CFAP65: variants seen among roughly 807,000 people sequenced by gnomAD.
CFAP65 encodes cilia- and flagella-associated protein 65.
Under a neutral mutation model 208.0 loss-of-function variants are expected in CFAP65, and 155 were observed. The ratio of observed to expected loss-of-function variants is 0.75; its 90% confidence interval spans 0.65 to 0.85. The LOEUF (loss-of-function observed/expected upper bound fraction) is 0.85, where lower values mean the gene tolerates loss of function less well. Among genes scored for constraint, CFAP65 ranks in the 40% least tolerant of loss-of-function variants. CFAP65 has a pLI of 0.00. For synonymous variants in CFAP65, 970 were observed against 986.3 expected, an observed-to-expected ratio of 0.98 and a Z score of 0.31; for missense variants, 2,294 against 2,451.3, an observed-to-expected ratio of 0.94 and a Z score of 1.36.
chr2:219,009,366 C>A lies in CFAP65; in HGVS notation c.4547G>T (p.Ser1516Ile). The A allele has an allele frequency of 6.2e-7, 1 of 1,612,278 alleles. No individual in the cohort carries two copies. The highest frequency in any genetic ancestry group is 8.5e-7 in the Non-Finnish European group (1 of 1,179,516). The change falls in exon 28 of 35, where the codon AGT becomes ATT. Residue 1516 changes from serine to isoleucine, a missense_variant. Physicochemically the swap from Ser to Ile is moderately radical, Grantham distance 142 (BLOSUM62 -2). This residue lies in a region of CFAP65 where 1,427 missense variants were observed against 1,438.7 expected (regional missense o/e 0.99). Coordinates refer to ENST00000341552, the MANE Select transcript of CFAP65 (RefSeq NM_194302.4). ...LRASVHASFY[S>I]ADLVCKLYSQ... ...TCCTACCTTGCATACCAGGTCTGCA[C>A]TGTAGAAGCTGGCATGCACAGAGGC... is the stretch of plus-strand genomic sequence containing the variant.
intron 14 of CFAP65, 129 bp from the exon 15 acceptor site, chr2:219,024,389 T>C: frequency 9.1e-7 from 1 of 1,099,294 alleles, no homozygotes; most frequent in South Asian, 1.9e-5. Context: ...TGCAGCCCAG[T>C]CAACGCCCTG....
At chr2:219,026,348 T>G (rs1027390407) in intron 13 of CFAP65, among the ~76,000 whole-genome samples, 189 bp from the exon 14 acceptor site, 1 of 152,150 alleles carries the variant, frequency 6.6e-6, no homozygotes, top group Non-Finnish European at 1.5e-5. Flanking sequence ...AGCTAGGCCC[T>G]GCATCCATAT....
At chr2:219,014,261 C>T (rs946785030) in intron 21 of CFAP65, 5 of 414,856 alleles carry the variant, frequency 1.2e-5, no homozygotes, top group South Asian at 1.4e-4. Flanking sequence ...CTCTGGGCCA[C>T]GGCGACTCAA....
intron 32 of CFAP65, 106 bp downstream of exon 32, chr2:219,005,328 G>T: frequency 6.8e-7 from 1 of 1,475,142 alleles, no homozygotes; most frequent in Non-Finnish European, 9.4e-7. Flanking sequence ...GCCCCACCAA[G>T]TTCTATTTCT....
At chr2:219,020,363 T>TTTTA (rs1323020263) in intron 19 of CFAP65, among the ~76,000 whole-genome samples, 11 of 152,078 alleles carry the variant, frequency 7.2e-5, no homozygotes, top group Admixed American at 1.3e-4. Flanking sequence ...TGATCCCCAT[T>TTTTA]TTTATTTATT....
chr2:219,005,707 G>C (rs1945919687), intron 31 of CFAP65, 145 bp from the exon 32 acceptor site: 1 of 949,604 alleles, frequency 1.1e-6, no homozygotes, highest in Non-Finnish European at 1.6e-6. Context: ...AGTGCTACTG[G>C]GTTCAGAGAA....
rs150943971 is a variant in CFAP65 at position 219,035,510 on chromosome 2, C to G, written c.512G>C (p.Arg171Pro). The stretch of plus-strand genomic sequence containing the variant: ...CTTCATCTTCTGGAGTTTCAAGGAT[C>G]GATTTTTCAGAACCAGATTCCTTGT... ...ETTRNLVLKNRSLKLQKMKYR... is the reference protein window; with the variant it reads ...ETTRNLVLKNPSLKLQKMKYR... The change falls in exon 5 of 35, where the codon CGA becomes CCA. Residue 171 changes from arginine (R) to proline (P), a missense_variant. By Grantham distance (103) the Arg-to-Pro change is moderately radical. Around this residue, in one of 2 missense-constraint regions of CFAP65, gnomAD observed 867 missense variants for 1,012.6 expected, o/e 0.86. Transcript: ENST00000341552. 1 of 1,613,938 alleles carries G rather than the reference C, an allele frequency of 6.2e-7. No homozygotes were observed. Among genetic ancestry groups the G allele is most frequent in the East Asian group, 2.2e-5 (1 of 44,896 alleles).
rs1948301523 is a variant in CFAP65 at position 219,035,464 on chromosome 2, TC to T, written c.542+15del. The T allele has an allele frequency of 6.2e-7, 1 of 1,614,114 alleles. No homozygotes were observed. Among genetic ancestry groups the T allele is most frequent in the East Asian group, 2.2e-5 (1 of 44,874 alleles). On this transcript the variant is annotated intron_variant, in intron 5 of 34. Transcript: ENST00000341552. ...CAAGGCTGTGGCACTGGGTCCTTGA[TC>T]CCTTATACTGGTACCTGTACTTCAT...
rs1169391010 is a variant in CFAP65 at position 219,038,564 on chromosome 2, ACT to A, written c.166_167del (p.Ser56CysfsTer90). On this transcript the variant is annotated frameshift_variant, in exon 4 of 35. Transcript: ENST00000341552. LOFTEE classifies it high-confidence loss of function. ...SKSQIKLHTQ[S>X]APFGLCPKDM... ...CCTTGGGACACAGTCCAAAGGGAGC[ACT>A]CTGAGTATGGAGCTGGGAAGAGAGC... The A allele has an allele frequency of 3.1e-6, 5 of 1,613,712 alleles. No individual in the cohort carries two copies. In the African/African-American group the frequency reaches 6.7e-5, roughly 22 times the overall value.
chr2:219,040,363 G>A (rs1948596100), intron 2 of CFAP65, among the ~76,000 whole-genome samples, 156 bp downstream of exon 2: 1 of 151,998 alleles, frequency 6.6e-6, no homozygotes, highest in South Asian at 2.1e-4. Flanking sequence ...CTTCCAAAGC[G>A]GAAGATTCTG....
At chr2:219,008,551 C>T (rs1476422982) in intron 29 of CFAP65, among the ~76,000 whole-genome samples, 1 of 152,070 alleles carries the variant, frequency 6.6e-6, no homozygotes, top group African/African-American at 2.4e-5. Flanking sequence ...TCGAGACCAG[C>T]CTGGCCAACA....
In CFAP65 at chr2:219,003,938, G is replaced by T; in HGVS notation, c.5555+14C>A. 6.2e-7 allele frequency: 1 copy of T among 1,603,514 alleles called. No individual in the cohort carries two copies. Among genetic ancestry groups the T allele is most frequent in the Non-Finnish European group, 8.5e-7 (1 of 1,173,648 alleles). On this transcript the variant is annotated intron_variant, in intron 33 of 34. Transcript: ENST00000341552. This position sits in a 1 kb window ranked among gnomAD's most constrained non-coding sequence, Gnocchi z 4.4. Reference sequence around the variant, plus strand: ...TCGCCTCCCTCCCGTCCTCACTGGGGCCTGGCTGCTCACCTTCTGATGGCC... The same window carrying T: ...TCGCCTCCCTCCCGTCCTCACTGGGTCCTGGCTGCTCACCTTCTGATGGCC...
intron 27 of CFAP65, among the ~76,000 whole-genome samples, 155 bp from the exon 28 acceptor site, chr2:219,009,615 A>G (rs1354014249): frequency 1.6e-5 from 2 of 125,786 alleles, no homozygotes; most frequent in Non-Finnish European, 3.2e-5. Context: ...ATGGGACAAG[A>G]TGGAATGGGA....
Position 219,005,503 on chromosome 2 carries a change from G to C in CFAP65, c.4982C>G (p.Pro1661Arg), listed in dbSNP as rs762138975. The change falls in exon 32 of 35, where the codon CCT (proline) becomes CGT (arginine). Residue 1661 changes from proline to arginine, a missense_variant. Pro to Arg is a moderately radical substitution (Grantham distance 103). Transcript: ENST00000341552. ...EESETSEEKS[P>R]NKWGPVSKQK... ...CTTGGAAACAGGGCCCCACTTGTTA[G>C]GGGATTTTTCCTCAGAAGTCTCTGA... The C allele has an allele frequency of 6.2e-7, 1 of 1,613,486 alleles. No individual in the cohort carries two copies. The highest frequency in any genetic ancestry group is 8.5e-7 in the Non-Finnish European group (1 of 1,179,962).
chr2:219,008,603 GGT>G (rs1340838422), intron 29 of CFAP65, among the ~76,000 whole-genome samples: 1 of 152,140 alleles, frequency 6.6e-6, no homozygotes, highest in African/African-American at 2.4e-5. Flanking sequence ...AAATTAGTCA[GGT>G]ATAGTGGTGG....
At chr2:219,015,804 T>G (rs543491946) in intron 21 of CFAP65, 1 of 152,356 alleles carries the variant, frequency 6.6e-6, no homozygotes, top group South Asian at 2.1e-4. Context: ...GAGTTTCCAA[T>G]AGAGGAGTGA....
Position 219,009,460 on chromosome 2 carries a change from C to A in CFAP65, c.4453G>T (p.Val1485Leu), listed in dbSNP as rs770503731. 1.3e-5 allele frequency: 21 copies of A among 1,606,284 alleles called. No homozygotes were observed. Among genetic ancestry groups the A allele is most frequent in the Non-Finnish European group, 1.8e-5 (21 of 1,174,302 alleles). ...WQPSPLDFGEVSVSPMIGVVA... is the reference protein window; with the variant it reads ...WQPSPLDFGELSVSPMIGVVA... The stretch of plus-strand genomic sequence containing the variant: ...ACCCCTATCATGGGACTCACAGACA[C>A]CTGTTGATTTGGGGAAGGAGTCTCT... The change falls in exon 28 of 35, where the codon GTG (valine) becomes TTG (leucine). Residue 1485 changes from valine (V) to leucine (L), a missense_variant and splice_region_variant. Coordinates refer to ENST00000341552, the MANE Select transcript of CFAP65 (RefSeq NM_194302.4).
chr2:219,003,068 C>G lies in CFAP65; in HGVS notation c.5694-47G>C. ...GTAGGCGTGGGGGCGAGGCTTCGGG[C>G]AGAGCCTGGCTGCCCCCGTGGCCCC... On this transcript the variant is annotated intron_variant, in intron 34 of 34. Transcript: ENST00000341552. This position sits in a 1 kb window ranked among gnomAD's most constrained non-coding sequence, Gnocchi z 4.4. 1 of 1,549,730 alleles carries G rather than the reference C, an allele frequency of 6.5e-7. No homozygotes were observed. Among genetic ancestry groups the G allele is most frequent in the Non-Finnish European group, 8.7e-7 (1 of 1,145,978 alleles).
rs1371766962 is a variant in CFAP65 at position 219,009,619 on chromosome 2, A to G, written c.4453-159T>C. ...GATGGGATGGGATGGGACAAGATGG[A>G]ATGGGATGGGATGGGATGGGATGGG... On this transcript the variant is annotated intron_variant, in intron 27 of 34. Transcript: ENST00000341552. Among the ~76,000 whole-genome samples the G allele has an allele frequency of 2.8e-3, 284 of 101,050 alleles. 2 individuals carry two copies. The highest frequency in any genetic ancestry group is 0.017 in the African/African-American group (255 of 15,368). 66.3% of individuals were successfully genotyped at this position (101,050 alleles called of 152,430 possible).
Sources: allele counts gnomAD v4.1 joint callset (sites outside exome capture counted in the v4.1 genomes callset), GRCh38; gene constraint gnomAD v4.1.1; regional missense constraint gnomAD v4.1.1; non-coding constraint Gnocchi (gnomAD v3.1); transcripts MANE v1.5; gene names NCBI Gene and HGNC (gene_info 2026-07-23, HGNC 2026-07-21).